The following URGCP variants were observed in gnomAD, a reference collection of about 807,000 sequenced individuals.
URGCP encodes the protein up-regulator of cell proliferation.
A neutral mutation model predicts 24.6 loss-of-function variants in URGCP; 13 were observed. The observed-to-expected ratio is 0.53, with a 90% confidence interval of 0.34 to 0.84. URGCP has a LOEUF of 0.84. Among genes scored for constraint, URGCP ranks in the 40% least tolerant of loss-of-function variants. URGCP has a pLI of 0.01. For synonymous variants in URGCP, 444 were observed against 487.2 expected (o/e 0.91, Z 1.17); for missense variants, 899 against 1,194.3 (o/e 0.75, Z 3.64).
intron 3 of URGCP, among the ~76,000 whole-genome samples, chr7:43,884,726 T>C (rs2095859592): frequency 1.3e-5 from 2 of 152,226 alleles, no homozygotes; most frequent in East Asian, 3.9e-4. Flanking sequence ...CCTAGCTACT[T>C]GGGAGGCTGA....
rs746849996 is a variant in URGCP, at chr7:43,878,589, A to G, written c.874T>C (p.Cys292Arg). 8.1e-6 allele frequency: 13 copies of G among 1,614,166 alleles called. No homozygotes were observed. Among genetic ancestry groups the G allele is most frequent in the Non-Finnish European group, 1.1e-5 (13 of 1,180,036 alleles). ...VLSPGHRQWD[C>R]FWHRDLNLGT... Reference sequence around the variant, plus strand: ...AAGTTGAGGTCCCGATGCCAGAAGCAGTCCCACTGCCTGTGGCCCGGGCTG... The same window carrying G: ...AAGTTGAGGTCCCGATGCCAGAAGCGGTCCCACTGCCTGTGGCCCGGGCTG... The change falls in exon 6 of 6, where the codon TGC (cysteine) becomes CGC (arginine). Residue 292 changes from cysteine (C) to arginine (R), a missense_variant. Transcript: ENST00000453200. The surrounding 1 kb of genome is among the most constrained non-coding windows in gnomAD (Gnocchi z 5.6).
chr7:43,902,048 GGA>G (rs1210776760), intron 1 of URGCP, among the ~76,000 whole-genome samples: 1 of 151,826 alleles, frequency 6.6e-6, no homozygotes, highest in African/African-American at 2.4e-5. Context: ...TCACTGGGGA[GGA>G]GAGAGGAGCA....
At chr7:43,926,663 G>C, upstream of URGCP, 1 of 1,240,322 alleles carries the variant, frequency 8.1e-7, no homozygotes, top group Non-Finnish European at 1.1e-6. Context: ...GCGAGTCGCG[G>C]ATACACCTGC....
intron 3 of URGCP, 84 bp downstream of exon 3, chr7:43,887,331 A>G (rs1006787305): frequency 4.2e-5 from 64 of 1,509,250 alleles, no homozygotes; most frequent in Non-Finnish European, 1.8e-6. Flanking sequence ...CAAGTCCAGG[A>G]GGGGCTGGAA....
At chr7:43,918,841 A>G (rs2095918710) in intron 1 of URGCP, 3 of 1,342,086 alleles carry the variant, frequency 2.2e-6, no homozygotes, top group Non-Finnish European at 2.1e-6. Context: ...GACCACAAGG[A>G]CATCTTTTTC....
chr7:43,876,941 G>A lies in URGCP; in HGVS notation c.2522C>T (p.Pro841Leu), dbSNP rs368192821. Residue 841 changes from proline to leucine, a missense_variant, in exon 6 of 6, where the codon CCA (proline) becomes CTA (leucine). Transcript: ENST00000453200. ...RPRDKRQLLDPPGDLSRAAAQ... is the reference protein window; with the variant it reads ...RPRDKRQLLDLPGDLSRAAAQ... ...TGCAGCCCTGCTCAGGTCACCAGGTGGATCCAGGAGCTGTCTCTTGTCTCT... is the reference window on the plus strand; with the variant it reads ...TGCAGCCCTGCTCAGGTCACCAGGTAGATCCAGGAGCTGTCTCTTGTCTCT... The A allele has an allele frequency of 2.5e-6, 4 of 1,614,138 alleles. No homozygotes were observed. The highest frequency in any genetic ancestry group is 3.4e-6 in the Non-Finnish European group (4 of 1,180,032).
chr7:43,887,799 A>G lies in URGCP; in HGVS notation c.32T>C (p.Leu11Pro), dbSNP rs1216048366. The change falls in exon 2 of 6, where the codon CTG becomes CCG. Residue 11 changes from leucine (L) to proline (P), a missense_variant. Transcript: ENST00000453200. ...AGAAAAATATACATACCCTTTGCCCAGTAATTCCACTTCTATCCTAAGGAA... is the reference window on the plus strand; with the variant it reads ...AGAAAAATATACATACCCTTTGCCCGGTAATTCCACTTCTATCCTAAGGAA... MASPGIEVEL[L>P]GKGHSDLGEV... 5.8e-6 allele frequency: 9 copies of G among 1,544,354 alleles called. No individual in the cohort carries two copies. Among genetic ancestry groups the G allele is most frequent in the Admixed American group, 2.0e-5 (1 of 50,704 alleles).
chr7:43,881,238 G>A (rs961765886), intron 5 of URGCP: 1 of 702,730 alleles, frequency 1.4e-6, no homozygotes, highest in African/African-American at 1.7e-5. Context: ...TGTGGCCCTT[G>A]GCAGGTTGTT....
intron 1 of URGCP, chr7:43,919,510 C>G: frequency 8.0e-7 from 1 of 1,257,772 alleles, no homozygotes; most frequent in Non-Finnish European, 1.2e-6. Flanking sequence ...TTTCTCATGA[C>G]TGGCTACACC....
chr7:43,887,482 A>T lies in URGCP; in HGVS notation c.45T>A (p.His15Gln), dbSNP rs1274110415. 1 of 1,613,840 alleles carries T rather than the reference A, an allele frequency of 6.2e-7. No homozygotes were observed. The highest frequency in any genetic ancestry group is 2.2e-5 in the East Asian group (1 of 44,882). ...GIEVELLGKG[H>Q]SDLGEVAPEI... ...CTGGGGCTACTTCTCCCAAATCTGA[A>T]TGCCTGAAACAATTTCAGAAGAAAA... The change falls in exon 3 of 6, where the codon CAT (histidine) becomes CAA (glutamine). Residue 15 changes from histidine to glutamine, a missense_variant. His to Gln is a conservative substitution (Grantham distance 24, BLOSUM62 0). Coordinates refer to ENST00000453200, the MANE Select transcript of URGCP (RefSeq NM_001077663.3).
chr7:43,919,039 A>G (rs2095919009), intron 1 of URGCP: 1 of 1,094,728 alleles, frequency 9.1e-7, no homozygotes, highest in African/African-American at 1.5e-5. Flanking sequence ...GAGAAGATCC[A>G]TGAGGACATT....
intron 3 of URGCP, 60 bp from the exon 4 acceptor site, chr7:43,882,017 C>A: frequency 1.2e-6 from 2 of 1,609,974 alleles, no homozygotes; most frequent in South Asian, 2.2e-5. Context: ...ACCTTTCTGT[C>A]AAAAATTTCA....
chr7:43,890,778 T>C (rs1344963843), intron 1 of URGCP, among the ~76,000 whole-genome samples: 1 of 152,184 alleles, frequency 6.6e-6, no homozygotes, highest in African/African-American at 2.4e-5. Flanking sequence ...ACGGGCTGGT[T>C]TGTTGTCTGG....
chr7:43,905,892 G>C (rs927670349), intron 1 of URGCP: 13 of 152,170 alleles, frequency 8.5e-5, no homozygotes, highest in African/African-American at 2.9e-4. Context: ...CAAACTATAT[G>C]TGTCGCCATC....
intron 3 of URGCP, among the ~76,000 whole-genome samples, chr7:43,883,362 A>ACATATATATATATATATATATATAT (rs2095857512): frequency 1.1e-5 from 1 of 88,324 alleles, no homozygotes; most frequent in African/African-American, 5.6e-5. Flanking sequence ...ATATATATAT[A>ACATATATATATATATATATATATAT]TTTTTTTTTT....
At chr7:43,917,792 G>A (rs1298931527) in intron 1 of URGCP, among the ~76,000 whole-genome samples, 3 of 152,086 alleles carry the variant, frequency 2.0e-5, no homozygotes, top group African/African-American at 7.2e-5. Flanking sequence ...GCAACATAGT[G>A]AGACCCTGTC....
chr7:43,917,969 A>G (rs2132728951), intron 1 of URGCP, among the ~76,000 whole-genome samples: 1 of 152,134 alleles, frequency 6.6e-6, no homozygotes, highest in East Asian at 1.9e-4. Flanking sequence ...TCAAAAAACA[A>G]AACAAAACAA....
At chr7:43,883,362 A>ATTTTTTTT (rs34217938) in intron 3 of URGCP, among the ~76,000 whole-genome samples, 53 of 88,280 alleles carry the variant, frequency 6.0e-4, no homozygotes, top group South Asian at 1.1e-3. Context: ...ATATATATAT[A>ATTTTTTTT]TTTTTTTTTT....
intron 1 of URGCP, chr7:43,889,757 G>A (rs1300070401): frequency 1.3e-5 from 2 of 152,234 alleles, no homozygotes; most frequent in East Asian, 3.8e-4. Flanking sequence ...ACTAATGGCT[G>A]TTTAGTTTCA....
Sources: gnomAD v4.1 joint callset for allele counts (sites outside exome capture counted in the v4.1 genomes callset) on GRCh38, gnomAD v4.1.1 for gene constraint, Gnocchi (gnomAD v3.1) non-coding constraint, MANE v1.5 for transcripts, NCBI Gene and HGNC (gene_info 2026-07-23, HGNC 2026-07-21) for gene names.